The following FGFR2 variants were observed in gnomAD, a reference collection of about 807,000 sequenced individuals.
FGFR2 encodes the protein fibroblast growth factor receptor 2, also known as BEK fibroblast growth factor receptor.
A neutral mutation model predicts 95.9 loss-of-function variants in FGFR2; 19 were observed. The observed-to-expected ratio is 0.20, with a 90% CI of 0.14 to 0.29. The LOEUF (loss-of-function observed/expected upper bound fraction) is 0.29. Ranked by LOEUF, FGFR2 falls within the 10% of genes least tolerant of loss-of-function variation. The pLI is 1.00. For synonymous variants in FGFR2, 392 were observed against 393.3 expected, an observed-to-expected ratio of 1.00 and a Z score of 0.04; for missense variants, 707 against 1,056.9, an observed-to-expected ratio of 0.67 and a Z score of 4.59.
chr10:121,598,239 G>C lies in FGFR2; in HGVS notation c.-428C>G. On this transcript the variant is annotated 5_prime_UTR_variant, in exon 1 of 18. Coordinates refer to ENST00000358487, the MANE Select transcript of FGFR2 (RefSeq NM_000141.5). Reference sequence around the variant, plus strand: ...CTCCACCAAACTTTGCTCGCGAGTTGCGAAGGCTCAGAGCGCGCAGGCAAG... The same window carrying C: ...CTCCACCAAACTTTGCTCGCGAGTTCCGAAGGCTCAGAGCGCGCAGGCAAG... 5.0e-6 allele frequency: 2 copies of C among 396,112 alleles called. No individual in the cohort carries two copies. Among genetic ancestry groups the C allele is most frequent in the Non-Finnish European group, 8.9e-6 (2 of 224,520 alleles). The allele number at this position is 396,112 out of a possible 1,614,324, so 24.5% of individuals were successfully genotyped here. A position where few individuals can be genotyped will look rare whatever the true frequency, so the allele number is the denominator to read the frequency against.
chr10:121,537,267 A>G (rs1852980814), intron 6 of FGFR2, among the ~76,000 whole-genome samples: 1 of 152,158 alleles, frequency 6.6e-6, no homozygotes, highest in Non-Finnish European at 1.5e-5. Flanking sequence ...TCGAATAAAC[A>G]CTATTTTCCC....
intron 1 of FGFR2, among the ~76,000 whole-genome samples, chr10:121,597,700 G>C (rs929517671): frequency 5.3e-5 from 8 of 152,254 alleles, no homozygotes; most frequent in Admixed American, 1.3e-4. Flanking sequence ...GTTTGACAGG[G>C]AGGGGGGCGT....
chr10:121,565,110 T>C (rs780920432), intron 3 of FGFR2, among the ~76,000 whole-genome samples: 2 of 136,980 alleles, frequency 1.5e-5, no homozygotes, highest in African/African-American at 2.8e-5. Flanking sequence ...CTCTAATAAA[T>C]GAATCAGAAA....
intron 14 of FGFR2, among the ~76,000 whole-genome samples, 181 bp from the exon 15 acceptor site, chr10:121,487,605 C>A (rs144127045): frequency 6.6e-6 from 1 of 152,258 alleles, no homozygotes; most frequent in African/African-American, 2.4e-5. Context: ...AGGTCTGGGC[C>A]GTTAATAAAA....
Position 121,538,333 on chromosome 10 carries a change from A to G in FGFR2, c.748+259T>C, listed in dbSNP as rs959514350. ...AATCTCAGCTTCCAAAATGTCAGAC[A>G]TTTCATACCACGTCCACTTTACACA... is the stretch of plus-strand genomic sequence containing the variant. On this transcript the variant is annotated intron_variant, in intron 6 of 17. Coordinates refer to ENST00000358487, the MANE Select transcript of FGFR2 (RefSeq NM_000141.5). 2.4e-5 allele frequency: 19 copies of G among 782,924 alleles called. No individual in the cohort carries two copies. The African/African-American group carries it at 2.7e-4, about 11-fold the overall frequency. 48.5% of individuals were successfully genotyped at this position (782,924 alleles called of 1,614,324 possible). A position where few individuals can be genotyped will look rare whatever the true frequency, so the allele number is the denominator to read the frequency against.
At position 121,485,536 on chromosome 10, in the gene FGFR2, CA is replaced by C. The variant is rs774040841; in HGVS notation, c.2058-5del. 1.2e-6 allele frequency: 2 copies of C among 1,614,074 alleles called. No individual in the cohort carries two copies. Among genetic ancestry groups the C allele is most frequent in the Non-Finnish European group, 1.7e-6 (2 of 1,179,996 alleles). On this transcript the variant is annotated splice_polypyrimidine_tract_variant and splice_region_variant and intron_variant, in intron 15 of 17. Coordinates refer to ENST00000358487, the MANE Select transcript of FGFR2 (RefSeq NM_000141.5). This position sits in a 1 kb window ranked among gnomAD's most constrained non-coding sequence, Gnocchi z 4.2. Reference sequence around the variant, plus strand: ...CATTAACACCCCGAAGGACCAGCTGCAACAAAAGGAGAAAGCACGGCATTAC... The same window carrying C: ...CATTAACACCCCGAAGGACCAGCTGCACAAAAGGAGAAAGCACGGCATTAC...
intron 2 of FGFR2, among the ~76,000 whole-genome samples, chr10:121,592,638 A>G (rs1862826073): frequency 6.6e-6 from 1 of 152,062 alleles, no homozygotes; most frequent in Admixed American, 6.6e-5. Flanking sequence ...TGATCCAGCT[A>G]AGGAGGCTGG....
At chr10:121,510,465 G>A (rs2134161884) in intron 9 of FGFR2, among the ~76,000 whole-genome samples, 1 of 152,278 alleles carries the variant, frequency 6.6e-6, no homozygotes, top group African/African-American at 2.4e-5. Context: ...TTACCCAAAT[G>A]TTTTCTGGAG....
chr10:121,574,531 A>AAAT (rs560459844), intron 2 of FGFR2, among the ~76,000 whole-genome samples: 1,885 of 151,672 alleles, frequency 0.012, 33 homozygotes, highest in African/African-American at 0.036. Flanking sequence ...TCCATCTCAA[A>AAAT]AATAATAATA....
At chr10:121,491,950 G>A (rs1325641314) in intron 13 of FGFR2, among the ~76,000 whole-genome samples, 9 of 151,718 alleles carry the variant, frequency 5.9e-5, no homozygotes, top group Admixed American at 5.9e-4. Flanking sequence ...AGGCTGAGGT[G>A]GGCAGATCAC....
At chr10:121,496,431 G>C in intron 13 of FGFR2, 101 bp downstream of exon 13, 1 of 1,119,536 alleles carries the variant, frequency 8.9e-7, no homozygotes, top group South Asian at 1.2e-5. Flanking sequence ...CAAGACATGC[G>C]AGGGCTTGAT....
Position 121,487,377 on chromosome 10 carries a change from T to C in FGFR2, c.2034A>G (p.Arg678=), listed in dbSNP as rs750244862. Reference sequence around the variant, plus strand: ...ACACATCACTCTGATGAGTGTATACTCTATCAAACAGGGCTTCTGGAGCCA... The same window carrying C: ...ACACATCACTCTGATGAGTGTATACCCTATCAAACAGGGCTTCTGGAGCCA... ...KWMAPEALFD[R]VYTHQSDVWS... The change falls in exon 15 of 18, where the codon AGA becomes AGG. Residue 678 remains arginine (R), a synonymous_variant. Coordinates refer to ENST00000358487, the MANE Select transcript of FGFR2 (RefSeq NM_000141.5). 6.2e-7 allele frequency: 1 copy of C among 1,614,104 alleles called. No individual in the cohort carries two copies. The highest frequency in any genetic ancestry group is 1.1e-5 in the South Asian group (1 of 91,072).
intron 14 of FGFR2, 77 bp downstream of exon 14, chr10:121,487,914 C>A (rs1845627243): frequency 6.3e-7 from 1 of 1,591,348 alleles, no homozygotes; most frequent in South Asian, 1.1e-5. Context: ...CAGCTCTCAA[C>A]ATTGACGGCC....
In FGFR2 at chr10:121,534,619, C is replaced by G. The variant is rs531884511; in HGVS notation, c.748+3973G>C. ...CCATGTTGACCAGGCTGGTCTCTAA[C>G]TGCTGACCTTAGGTGATCTGCCCGC... On this transcript the variant is annotated intron_variant, in intron 6 of 17. Coordinates refer to ENST00000358487, the MANE Select transcript of FGFR2 (RefSeq NM_000141.5). Among the ~76,000 whole-genome samples the G allele has an allele frequency of 2.0e-5, 3 of 151,706 alleles. No homozygotes were observed. The South Asian group carries it at 6.3e-4, about 32-fold the overall frequency.
chr10:121,598,057 C>T lies in FGFR2; in HGVS notation c.-246G>A, dbSNP rs1171964325. 1.0e-5 allele frequency: 4 copies of T among 398,042 alleles called. No homozygotes were observed. Among genetic ancestry groups the T allele is most frequent in the Non-Finnish European group, 1.8e-5 (4 of 225,766 alleles). 24.7% of individuals were successfully genotyped at this position (398,042 alleles called of 1,614,324 possible). ...ACGAGCCCGGGGTTGCGGGGAGCAACTCCAAACGCAGAAGAGTGGTCCTTG... is the reference window on the plus strand; with the variant it reads ...ACGAGCCCGGGGTTGCGGGGAGCAATTCCAAACGCAGAAGAGTGGTCCTTG... On this transcript the variant is annotated 5_prime_UTR_variant, in exon 1 of 18. Coordinates refer to ENST00000358487, the MANE Select transcript of FGFR2 (RefSeq NM_000141.5).
At chr10:121,514,211 A>G (rs1377362920) in intron 9 of FGFR2, among the ~76,000 whole-genome samples, 1 of 152,246 alleles carries the variant, frequency 6.6e-6, no homozygotes, top group African/African-American at 2.4e-5. Context: ...TGCTATTTCA[A>G]AAGAAACCTT....
chr10:121,505,448 T>C (rs1277989682), intron 9 of FGFR2, among the ~76,000 whole-genome samples: 1 of 152,160 alleles, frequency 6.6e-6, no homozygotes, highest in African/African-American at 2.4e-5. Context: ...ATGCAGATAG[T>C]ATGAGCAACA....
Position 121,517,566 on chromosome 10 carries a change from C to T in FGFR2, c.940-103G>A. 7.3e-7 allele frequency: 1 copy of T among 1,367,728 alleles called. No individual in the cohort carries two copies. The highest frequency in any genetic ancestry group is 1.0e-6 in the Non-Finnish European group (1 of 972,022). The allele number at this position is 1,367,728 out of a possible 1,614,324, so 84.7% of individuals were successfully genotyped here. On this transcript the variant is annotated intron_variant, in intron 7 of 17. Transcript: ENST00000358487. The surrounding 1 kb of genome is among the most constrained non-coding windows in gnomAD (Gnocchi z 4.7). ...GTCGCACCGGGGGCTTCAGGGGGTG[C>T]TGGCCACTGGGAGATTCCGACTGCA...
chr10:121,556,270 A>C (rs1297313946), intron 4 of FGFR2, among the ~76,000 whole-genome samples: 2 of 152,188 alleles, frequency 1.3e-5, no homozygotes, highest in African/African-American at 4.8e-5. Flanking sequence ...TCTGTCAACA[A>C]ATGGTAGGAT....
Sources: allele counts gnomAD v4.1 joint callset (sites outside exome capture counted in the v4.1 genomes callset), GRCh38; gene constraint gnomAD v4.1.1; non-coding constraint Gnocchi (gnomAD v3.1); transcripts MANE v1.5; gene names NCBI Gene and HGNC (gene_info 2026-07-23, HGNC 2026-07-21).